The following GRIK2 variants were observed in gnomAD, a reference collection of about 807,000 sequenced individuals.
The protein encoded by GRIK2 is glutamate ionotropic receptor kainate type subunit 2, also known as glutamate receptor ionotropic, kainate 2.
Under a neutral mutation model 100.3 loss-of-function variants are expected in GRIK2, and 32 were observed. The observed-to-expected ratio is 0.32, with a 90% CI of 0.24 to 0.43. The LOEUF (loss-of-function observed/expected upper bound fraction) is 0.43. GRIK2 is among the 20% of genes least tolerant of loss of function. The pLI is 1.00. For missense variants in GRIK2, 843 were observed against 1,114.9 expected (o/e 0.76, Z 3.47); for synonymous variants, 417 against 389.4 (o/e 1.07, Z -0.83).
intron 14 of GRIK2, among the ~76,000 whole-genome samples, chr6:101,986,223 G>A (rs1054518108): frequency 1.1e-4 from 16 of 151,776 alleles, no homozygotes; most frequent in Non-Finnish European, 1.8e-4. Context: ...TCCCCCAAAT[G>A]TAGACTTATT....
At chr6:101,521,454 T>G (rs2749055) in intron 2 of GRIK2, among the ~76,000 whole-genome samples, 70,235 of 151,676 alleles carry the variant, frequency 0.46, 16,517 homozygotes, top group South Asian at 0.58. Context: ...TGTTCATGCA[T>G]ATCTTCATTT....
intron 7 of GRIK2, among the ~76,000 whole-genome samples, chr6:101,745,786 T>C (rs1776387065): frequency 6.6e-6 from 1 of 152,220 alleles, no homozygotes; most frequent in Non-Finnish European, 1.5e-5. Context: ...TCATTTAATA[T>C]TGTAACACTT....
intron 8 of GRIK2, among the ~76,000 whole-genome samples, chr6:101,801,547 G>T (rs1241826474): frequency 6.6e-6 from 1 of 151,622 alleles, no homozygotes; most frequent in Admixed American, 6.6e-5. Flanking sequence ...TTGGGTCTTG[G>T]TTATATTATT....
At chr6:101,958,887 T>G (rs1052157894) in intron 14 of GRIK2, among the ~76,000 whole-genome samples, 3 of 152,170 alleles carry the variant, frequency 2.0e-5, no homozygotes, top group African/African-American at 7.2e-5. Context: ...CACTTGATTA[T>G]GGTGTATTAC....
intron 2 of GRIK2, among the ~76,000 whole-genome samples, chr6:101,584,582 A>G (rs567714799): frequency 6.6e-6 from 1 of 152,196 alleles, no homozygotes. Flanking sequence ...CAAAGTCAAA[A>G]GAATGAATCA....
chr6:101,686,570 A>T (rs936235193), intron 7 of GRIK2, among the ~76,000 whole-genome samples: 1 of 152,182 alleles, frequency 6.6e-6, no homozygotes, highest in African/African-American at 2.4e-5. Flanking sequence ...CTCAAAAGGC[A>T]TTACAACTAT....
chr6:101,732,737 A>T (rs1472034191), intron 7 of GRIK2, among the ~76,000 whole-genome samples: 2 of 152,074 alleles, frequency 1.3e-5, no homozygotes, highest in African/African-American at 4.8e-5. Context: ...CTGAGCATTC[A>T]CTTTCCTGCT....
chr6:101,723,288 G>C (rs1396294017), intron 7 of GRIK2, among the ~76,000 whole-genome samples: 1 of 151,892 alleles, frequency 6.6e-6, no homozygotes, highest in Non-Finnish European at 1.5e-5. Flanking sequence ...AAAGTAAAAT[G>C]TTCATATATG....
intron 4 of GRIK2, among the ~76,000 whole-genome samples, chr6:101,660,477 A>G (rs1441725059): frequency 1.2e-4 from 18 of 152,082 alleles, no homozygotes; most frequent in Admixed American, 1.1e-3. Context: ...ACTTCTGTCA[A>G]TTCATCAAAC....
intron 10 of GRIK2, among the ~76,000 whole-genome samples, chr6:101,830,228 A>G (rs547708526): frequency 6.6e-6 from 1 of 152,214 alleles, no homozygotes; most frequent in African/African-American, 2.4e-5. Flanking sequence ...CCATATGCAC[A>G]AGAATGAAAC....
chr6:101,776,922 A>G (rs980605094), intron 7 of GRIK2, among the ~76,000 whole-genome samples: 1 of 152,172 alleles, frequency 6.6e-6, no homozygotes, highest in Non-Finnish European at 1.5e-5. Flanking sequence ...TTGAAGCATT[A>G]TACTTTCTAA....
chr6:101,948,924 G>A (rs541502577), intron 14 of GRIK2, among the ~76,000 whole-genome samples: 2 of 152,206 alleles, frequency 1.3e-5, no homozygotes, highest in African/African-American at 4.8e-5. Flanking sequence ...TTTTGACATG[G>A]CAGTTACTTG....
At chr6:101,578,846 A>C (rs1445444168) in intron 2 of GRIK2, among the ~76,000 whole-genome samples, 1 of 152,328 alleles carries the variant, frequency 6.6e-6, no homozygotes, top group East Asian at 1.9e-4. Context: ...TACATCCAGC[A>C]ACATATAAAT....
At chr6:101,741,585 TGG>T (rs965849412) in intron 7 of GRIK2, among the ~76,000 whole-genome samples, 8 of 152,192 alleles carry the variant, frequency 5.3e-5, no homozygotes, top group Non-Finnish European at 1.5e-5. Flanking sequence ...TGGAAACGTA[TGG>T]AAAGTTTATT....
chr6:101,829,602 A>T (rs1257376649), intron 10 of GRIK2, among the ~76,000 whole-genome samples: 1 of 151,980 alleles, frequency 6.6e-6, no homozygotes, highest in Non-Finnish European at 1.5e-5. Context: ...CACCAATAGC[A>T]TTCAGACTGA....
At chr6:101,761,800 T>TCTTCCTTCCTTC (rs1020180976) in intron 7 of GRIK2, among the ~76,000 whole-genome samples, 1 of 93,188 alleles carries the variant, frequency 1.1e-5, no homozygotes, top group African/African-American at 6.1e-5. Flanking sequence ...TCCCTTCCTT[T>TCTTCCTTCCTTC]CTTCCTTCCT....
intron 2 of GRIK2, among the ~76,000 whole-genome samples, chr6:101,595,712 GTGTGTGTATATATA>G (rs758429602): frequency 0.018 from 2,304 of 131,516 alleles, 35 homozygotes; most frequent in Non-Finnish European, 0.025. Context: ...GTGTGTGTGT[GTGTGTGTATATATA>G]TATATATATA....
chr6:101,620,995 A>G (rs1382679104), intron 2 of GRIK2, among the ~76,000 whole-genome samples: 1 of 152,192 alleles, frequency 6.6e-6, no homozygotes, highest in Non-Finnish European at 1.5e-5. Flanking sequence ...GGCCAAAATT[A>G]TATACTAGTT....
At position 102,047,457 on chromosome 6, in the gene GRIK2, A is replaced by T. The variant is rs576721038; in HGVS notation, c.2312-7873A>T. On this transcript the variant is annotated intron_variant, in intron 15 of 16. Coordinates refer to ENST00000369134, the MANE Select transcript of GRIK2 (RefSeq NM_021956.5). ...ATTGGAAGAATTAATATTGTTAAAA[A>T]TTTTCTTCCTGGCCAGGTTCGGTGG... Among the ~76,000 whole-genome samples, 4 of 152,104 alleles carry T rather than the reference A, an allele frequency of 2.6e-5. No homozygotes were observed. In the South Asian group the frequency reaches 8.3e-4, roughly 32 times the overall value.
Sources: allele counts gnomAD v4.1 joint callset (sites outside exome capture counted in the v4.1 genomes callset), GRCh38; gene constraint gnomAD v4.1.1; transcripts MANE v1.5; gene names NCBI Gene and HGNC (gene_info 2026-07-23, HGNC 2026-07-21).